Variants in GMDS observed in about 807,000 individuals in gnomAD.
GMDS encodes the protein GDP-mannose 4,6-dehydratase, also known as GDP-mannose 4,6 dehydratase.
Under a neutral mutation model 49.9 loss-of-function variants are expected in GMDS, and 20 were observed. The ratio of observed to expected loss-of-function variants is 0.40; its 90% confidence interval spans 0.28 to 0.58. The LOEUF (loss-of-function observed/expected upper bound fraction) is 0.58. Ranked by LOEUF, GMDS falls within the 20% of genes least tolerant of loss-of-function variation. GMDS has a pLI of 0.42. For synonymous variants in GMDS, 177 were observed against 178.6 expected (o/e 0.99, Z 0.07); for missense variants, 362 against 481.4 (o/e 0.75, Z 2.32).
chr6:1,936,785 G>T (rs1762568338), intron 6 of GMDS, among the ~76,000 whole-genome samples: 1 of 152,020 alleles, frequency 6.6e-6, no homozygotes. Context: ...TGGCCAACGT[G>T]GTAAAACCTC....
intron 1 of GMDS, among the ~76,000 whole-genome samples, chr6:2,244,934 C>A (rs1561687351): frequency 1.3e-5 from 2 of 152,184 alleles, no homozygotes; most frequent in South Asian, 4.2e-4. Context: ...GAAGACCTCA[C>A]CCGCAAGTTC....
intron 1 of GMDS, among the ~76,000 whole-genome samples, chr6:2,190,526 G>A (rs1280304735): frequency 1.3e-5 from 2 of 152,198 alleles, no homozygotes; most frequent in East Asian, 3.8e-4. Context: ...CCCACCCAGT[G>A]TTTCCTGAGG....
chr6:2,230,829 T>G (rs1781054741), intron 1 of GMDS, among the ~76,000 whole-genome samples: 1 of 151,672 alleles, frequency 6.6e-6, no homozygotes, highest in South Asian at 2.1e-4. Flanking sequence ...AAGCAAAACT[T>G]TAACAAAAAT....
At chr6:2,051,297 T>C (rs1231853298) in intron 4 of GMDS, among the ~76,000 whole-genome samples, 1 of 152,178 alleles carries the variant, frequency 6.6e-6, no homozygotes, top group Non-Finnish European at 1.5e-5. Flanking sequence ...TTTTTGTTGT[T>C]TTAAGCCACT....
In GMDS at chr6:1,999,190, T is replaced by TGG. The variant is rs1561960349; in HGVS notation, c.346-38225_346-38224insCC. ...TACAAAAATTAGCAGGGCGTGGTGG[T>TGG]GCATGCCTGTAATTCCAGCTACTTG... On this transcript the variant is annotated intron_variant, in intron 4 of 10. Transcript: ENST00000380815. 1.1e-4 allele frequency among the ~76,000 whole-genome samples: 16 copies of TGG among 151,896 alleles called. No individual in the cohort carries two copies. In the East Asian group the frequency reaches 3.1e-3, roughly 29 times the overall value.
intron 7 of GMDS, among the ~76,000 whole-genome samples, chr6:1,918,132 G>A (rs907574005): frequency 6.6e-6 from 1 of 152,120 alleles, no homozygotes; most frequent in African/African-American, 2.4e-5. Flanking sequence ...TACAGACTGA[G>A]AGAGAGGATA....
At chr6:2,052,741 T>A (rs1328946981) in intron 4 of GMDS, among the ~76,000 whole-genome samples, 1 of 152,212 alleles carries the variant, frequency 6.6e-6, no homozygotes, top group Non-Finnish European at 1.5e-5. Flanking sequence ...GAGAAACTTT[T>A]AAAAGAGGTT....
chr6:1,848,248 C>T (rs984479549), intron 7 of GMDS, among the ~76,000 whole-genome samples: 6 of 152,144 alleles, frequency 3.9e-5, no homozygotes, highest in Non-Finnish European at 8.8e-5. Context: ...CACAGTGCTC[C>T]GTTATGTAGC....
intron 1 of GMDS, among the ~76,000 whole-genome samples, chr6:2,162,941 A>T (rs1777478844): frequency 6.6e-6 from 1 of 151,926 alleles, no homozygotes; most frequent in Non-Finnish European, 1.5e-5. Context: ...CCTCTCACTC[A>T]CTCTATCGGC....
chr6:2,032,561 T>C (rs1007274291), intron 4 of GMDS, among the ~76,000 whole-genome samples: 1 of 152,218 alleles, frequency 6.6e-6, no homozygotes, highest in Non-Finnish European at 1.5e-5. Flanking sequence ...TTATTAAATA[T>C]TTACTGATGC....
At chr6:2,014,467 C>T (rs1410824918) in intron 4 of GMDS, among the ~76,000 whole-genome samples, 1 of 151,958 alleles carries the variant, frequency 6.6e-6, no homozygotes, top group Non-Finnish European at 1.5e-5. Context: ...TTATAAAGTA[C>T]ATGAACTATC....
intron 6 of GMDS, among the ~76,000 whole-genome samples, chr6:1,958,925 A>G (rs1763787533): frequency 6.6e-6 from 1 of 152,216 alleles, no homozygotes; most frequent in Non-Finnish European, 1.5e-5. Flanking sequence ...AGAAGTAATG[A>G]TGGGGGTACA....
intron 1 of GMDS, among the ~76,000 whole-genome samples, chr6:2,195,770 C>T (rs972062477): frequency 6.6e-6 from 1 of 150,634 alleles, no homozygotes; most frequent in African/African-American, 2.4e-5. Context: ...TGGCTTGATA[C>T]CAGGAGTTTG....
chr6:2,094,678 C>A (rs1198604684), intron 4 of GMDS, among the ~76,000 whole-genome samples: 2 of 152,092 alleles, frequency 1.3e-5, no homozygotes, highest in Admixed American at 6.6e-5. Flanking sequence ...GAGTTAGAAT[C>A]AATGGTACAG....
Position 2,115,774 on chromosome 6 carries a change from G to A in GMDS, c.342C>T (p.Val114=), listed in dbSNP as rs1562068953. ...EIYNLGAQSH[V]KISFDLAEYT... is the part of the protein sequence containing the mutation. Reference sequence around the variant, plus strand: ...AAATCCCAATGAAAATGCTTACTTTGACGTGGCTCTGGGCTCCAAGGTTGT... The same window carrying A: ...AAATCCCAATGAAAATGCTTACTTTAACGTGGCTCTGGGCTCCAAGGTTGT... The change falls in exon 4 of 11, where the codon GTC becomes GTT. Residue 114 remains valine (V), a synonymous_variant. Coordinates refer to ENST00000380815, the MANE Select transcript of GMDS (RefSeq NM_001500.4). The A allele has an allele frequency of 6.6e-7, 1 of 1,522,716 alleles. No homozygotes were observed. Among genetic ancestry groups the A allele is most frequent in the Middle Eastern group, 1.7e-4 (1 of 5,852 alleles). The allele number at this position is 1,522,716 out of a possible 1,614,324, so 94.3% of individuals were successfully genotyped here.
chr6:1,747,513 T>C (rs1312521613), intron 7 of GMDS, among the ~76,000 whole-genome samples: 4 of 151,316 alleles, frequency 2.6e-5, no homozygotes, highest in Non-Finnish European at 4.4e-5. Flanking sequence ...CACACACTTA[T>C]GTATGTATAC....
intron 9 of GMDS, among the ~76,000 whole-genome samples, chr6:1,688,563 ATT>A (rs1765063755): frequency 6.6e-6 from 1 of 152,242 alleles, no homozygotes; most frequent in Non-Finnish European, 1.5e-5. Context: ...CAAAGCATAT[ATT>A]TAGCTATTGA....
intron 4 of GMDS, among the ~76,000 whole-genome samples, chr6:1,998,536 C>T (rs1174868629): frequency 6.6e-6 from 1 of 151,944 alleles, no homozygotes; most frequent in Non-Finnish European, 1.5e-5. Flanking sequence ...AACAGTCAGC[C>T]CTTCGTATCC....
chr6:1,736,499 AC>A (rs1767005540), intron 8 of GMDS, among the ~76,000 whole-genome samples: 1 of 152,226 alleles, frequency 6.6e-6, no homozygotes, highest in Non-Finnish European at 1.5e-5. Flanking sequence ...ATGGGACTCT[AC>A]GCAGGTTTTC....
Sources: allele counts gnomAD v4.1 joint callset (sites outside exome capture counted in the v4.1 genomes callset), GRCh38; gene constraint gnomAD v4.1.1; transcripts MANE v1.5; gene names NCBI Gene and HGNC (gene_info 2026-07-23, HGNC 2026-07-21).